Variants in PTPN13 observed in about 807,000 individuals in gnomAD.
PTPN13 encodes the protein tyrosine-protein phosphatase non-receptor type 13.
Under a neutral mutation model 284.0 loss-of-function variants are expected in PTPN13, and 191 were observed. The observed-to-expected ratio is 0.67, with a 90% CI of 0.60 to 0.76. The LOEUF is 0.76. PTPN13 is among the 30% of genes least tolerant of loss of function. The pLI, the probability that PTPN13 is intolerant of heterozygous loss-of-function variation, is 0.00. For synonymous variants in PTPN13, 986 were observed against 1,022.3 expected (o/e 0.96, Z 0.68); for missense variants, 2,797 against 2,939.9 (o/e 0.95, Z 1.12).
intron 40 of PTPN13, among the ~76,000 whole-genome samples, chr4:86,787,659 A>G (rs564047119): frequency 6.6e-6 from 1 of 152,300 alleles, no homozygotes; most frequent in East Asian, 1.9e-4. Flanking sequence ...CTATTGTTAA[A>G]AATTTTGATT....
At chr4:86,797,094 C>T (rs569805511) in intron 41 of PTPN13, among the ~76,000 whole-genome samples, 165 bp downstream of exon 41, 1 of 152,172 alleles carries the variant, frequency 6.6e-6, no homozygotes, top group Non-Finnish European at 1.5e-5. Flanking sequence ...TGCGGTGGCT[C>T]ATGCCTGTAA....
chr4:86,688,890 C>A, intron 4 of PTPN13, 115 bp from the exon 5 acceptor site: 2 of 708,414 alleles, frequency 2.8e-6, no homozygotes, highest in Non-Finnish European at 4.4e-6. Flanking sequence ...TTTATTTCCT[C>A]CAAGTATGTG....
chr4:86,655,259 T>G (rs1014213391), intron 2 of PTPN13, among the ~76,000 whole-genome samples: 6 of 152,214 alleles, frequency 3.9e-5, no homozygotes, highest in South Asian at 2.1e-4. Flanking sequence ...TTAATATTGT[T>G]ATGTGTGAAT....
At position 86,734,705 on chromosome 4, in the gene PTPN13, G is replaced by A. The variant is rs1735300036; in HGVS notation, c.2013-32G>A. ...ACCACCCCAGTATTCAAAATCAAAG[G>A]CCAAGATGTCTGTGTGTGTTTGTTT... is the stretch of plus-strand genomic sequence containing the variant. On this transcript the variant is annotated intron_variant, in intron 13 of 47. Coordinates refer to ENST00000411767, the MANE Select transcript of PTPN13 (RefSeq NM_080683.3). 5 of 1,586,542 alleles carry A rather than the reference G, an allele frequency of 3.2e-6. No individual in the cohort carries two copies. In the South Asian group the frequency reaches 4.6e-5, roughly 15 times the overall value.
chr4:86,701,235 T>TCTATGTATGAAGAAGCTA lies in PTPN13; in HGVS notation c.635-6_635-5insCTATGTATGAAGAAGCTA, dbSNP rs1399665966. Reference sequence around the variant, plus strand: ...GTGCATACATGATAGATTCTTATCATTCCAGGAAGAAGCTCTACTTCTGAT... The same window carrying TCTATGTATGAAGAAGCTA: ...GTGCATACATGATAGATTCTTATCATCTATGTATGAAGAAGCTATCCAGGAAGAAGCTCTACTTCTGAT... On this transcript the variant is annotated splice_region_variant and splice_polypyrimidine_tract_variant and intron_variant, in intron 6 of 47. Transcript: ENST00000411767. The TCTATGTATGAAGAAGCTA allele has an allele frequency of 6.5e-7, 1 of 1,537,856 alleles. No individual in the cohort carries two copies. The highest frequency in any genetic ancestry group is 2.1e-5 in the Admixed American group (1 of 47,190).
At position 86,624,730 on chromosome 4, in the gene PTPN13, T is replaced by C. The variant is rs548881719; in HGVS notation, c.-5-10522T>C. Among the ~76,000 whole-genome samples the C allele has an allele frequency of 9.2e-5, 14 of 152,244 alleles. No individual in the cohort carries two copies. The South Asian group carries it at 2.9e-3, about 32-fold the overall frequency. On this transcript the variant is annotated intron_variant, in intron 1 of 47. Coordinates refer to ENST00000411767, the MANE Select transcript of PTPN13 (RefSeq NM_080683.3). ...ACTTGGGAGGCTGAGGCGGGATTGC[T>C]TAAGGCCAAGAGTTTGAGAATGCAG...
intron 2 of PTPN13, chr4:86,661,011 T>C (rs1726422346): frequency 2.5e-6 from 1 of 399,762 alleles, no homozygotes; most frequent in Admixed American, 3.2e-5. Flanking sequence ...ATTGTTGAGG[T>C]ATAACATATA....
At chr4:86,671,560 C>G (rs1339426336) in intron 2 of PTPN13, among the ~76,000 whole-genome samples, 2 of 152,082 alleles carry the variant, frequency 1.3e-5, no homozygotes, top group Non-Finnish European at 2.9e-5. Context: ...TGGAGGCCTA[C>G]TGGTGTCTAG....
At chr4:86,671,327 A>G (rs1326539389) in intron 2 of PTPN13, among the ~76,000 whole-genome samples, 1 of 152,300 alleles carries the variant, frequency 6.6e-6, no homozygotes, top group Middle Eastern at 3.4e-3. Flanking sequence ...ATGTCTTATC[A>G]TTTGACAGAG....
chr4:86,746,852 A>C (rs1736822647), intron 17 of PTPN13, among the ~76,000 whole-genome samples: 1 of 152,098 alleles, frequency 6.6e-6, no homozygotes, highest in African/African-American at 2.4e-5. Context: ...GCTGGTCTCA[A>C]ACTCCTGACC....
At chr4:86,686,862 G>C in intron 4 of PTPN13, 87 bp downstream of exon 4, 1 of 907,402 alleles carries the variant, frequency 1.1e-6, no homozygotes, top group South Asian at 1.6e-5. Context: ...GTTTATACGT[G>C]TTCTACAGCA....
At position 86,701,544 on chromosome 4, in the gene PTPN13, TCTC is replaced by T; in HGVS notation, c.939_941del (p.Ser315del). The T allele has an allele frequency of 6.2e-7, 1 of 1,613,904 alleles. No homozygotes were observed. The highest frequency in any genetic ancestry group is 8.5e-7 in the Non-Finnish European group (1 of 1,179,822). ...TTGCTTTGTACAGCTGACAGAGACT[TCTC>T]TTCAGGAGAGACTGCCACATATCGT... On this transcript the variant is annotated inframe_deletion, in exon 7 of 48. Coordinates refer to ENST00000411767, the MANE Select transcript of PTPN13 (RefSeq NM_080683.3).
intron 1 of PTPN13, among the ~76,000 whole-genome samples, 183 bp downstream of exon 1, chr4:86,594,972 G>A (rs80008502): frequency 0.046 from 7,058 of 152,274 alleles, 223 homozygotes; most frequent in African/African-American, 0.06. Context: ...GTACGTTAGA[G>A]TGGGGGTGGG....
intron 2 of PTPN13, among the ~76,000 whole-genome samples, chr4:86,655,053 A>G (rs918669687): frequency 6.6e-6 from 1 of 152,170 alleles, no homozygotes; most frequent in African/African-American, 2.4e-5. Context: ...ATCAGAGACT[A>G]GGATTGCAAC....
chr4:86,651,709 T>A (rs1037721529), intron 2 of PTPN13, among the ~76,000 whole-genome samples: 2 of 152,166 alleles, frequency 1.3e-5, no homozygotes, highest in Non-Finnish European at 2.9e-5. Context: ...TCACTCTTGG[T>A]TGGGTGTATA....
At chr4:86,803,150 A>G (rs1168522415) in intron 42 of PTPN13, among the ~76,000 whole-genome samples, 1 of 151,594 alleles carries the variant, frequency 6.6e-6, no homozygotes, top group Non-Finnish European at 1.5e-5. Flanking sequence ...ACACACATAT[A>G]CATGTATTTT....
In PTPN13 at chr4:86,773,230, T is replaced by G. The variant is rs867494893; in HGVS notation, c.5349+272T>G. On this transcript the variant is annotated intron_variant, in intron 32 of 47. Transcript: ENST00000411767. ...TAATTCTTCTGAGTCTTGGTAACTT[T>G]GACTATAAAATGGAGCAAGTAACCT... 7.9e-5 allele frequency among the ~76,000 whole-genome samples: 12 copies of G among 152,320 alleles called. No individual in the cohort carries two copies. In the South Asian group the frequency reaches 1.7e-3, roughly 21 times the overall value.
chr4:86,633,361 T>C (rs1722669066), intron 1 of PTPN13, among the ~76,000 whole-genome samples: 1 of 152,118 alleles, frequency 6.6e-6, no homozygotes, highest in Non-Finnish European at 1.5e-5. Flanking sequence ...CTCAGAGTGA[T>C]AGGCAACACC....
intron 2 of PTPN13, among the ~76,000 whole-genome samples, chr4:86,644,774 A>G (rs111850853): frequency 6.6e-6 from 1 of 152,234 alleles, no homozygotes; most frequent in African/African-American, 2.4e-5. Flanking sequence ...GGATCCTAGG[A>G]ATGCAAGATT....
Sources: gnomAD v4.1 joint callset for allele counts (sites outside exome capture counted in the v4.1 genomes callset) on GRCh38, gnomAD v4.1.1 for gene constraint, MANE v1.5 for transcripts, NCBI Gene and HGNC (gene_info 2026-07-23, HGNC 2026-07-21) for gene names.